The following GLG1 variants were observed in gnomAD, a reference collection of about 807,000 sequenced individuals.
GLG1 encodes the protein Golgi apparatus protein 1.
A neutral mutation model predicts 160.5 loss-of-function variants in GLG1; 38 were observed. The observed-to-expected ratio is 0.24, with a 90% confidence interval of 0.18 to 0.31. The LOEUF (loss-of-function observed/expected upper bound fraction) is 0.31, where lower values mean the gene tolerates loss of function less well. Among genes scored for constraint, GLG1 ranks in the 10% least tolerant of loss-of-function variants. The pLI is 1.00. For missense variants in GLG1, 1,373 were observed against 1,505.2 expected (o/e 0.91, Z 1.45); for synonymous variants, 644 against 543.4 (o/e 1.19, Z -2.57).
chr16:74,521,796 C>G (rs1260626247), intron 2 of GLG1, among the ~76,000 whole-genome samples: 2 of 152,170 alleles, frequency 1.3e-5, no homozygotes, highest in African/African-American at 4.8e-5. Context: ...GTTCATGGAG[C>G]CATCTGGAGG....
At chr16:74,565,670 T>A (rs2018635226) in intron 1 of GLG1, among the ~76,000 whole-genome samples, 1 of 152,210 alleles carries the variant, frequency 6.6e-6, no homozygotes, top group African/African-American at 2.4e-5. Context: ...ATAAATCCTC[T>A]CCAACCATAC....
At chr16:74,472,098 G>C (rs1209426581) in intron 14 of GLG1, among the ~76,000 whole-genome samples, 1 of 152,098 alleles carries the variant, frequency 6.6e-6, no homozygotes, top group Non-Finnish European at 1.5e-5. Context: ...TAGAGACAGA[G>C]TTTTGCCATG....
chr16:74,577,142 T>C (rs994650208), intron 1 of GLG1, among the ~76,000 whole-genome samples: 2 of 152,190 alleles, frequency 1.3e-5, no homozygotes, highest in East Asian at 1.9e-4. Context: ...CCTAGGCTGG[T>C]CTCAAACTCC....
chr16:74,595,873 C>T (rs557378110), intron 1 of GLG1, among the ~76,000 whole-genome samples: 2 of 152,294 alleles, frequency 1.3e-5, no homozygotes, highest in South Asian at 2.1e-4. Context: ...CTTGTAATCC[C>T]AGCACTTTGG....
rs1251581387 is a variant in GLG1 at position 74,491,159 on chromosome 16, T to A, written c.1291A>T (p.Met431Leu). Residue 431 changes from methionine to leucine, a missense_variant, in exon 8 of 26, where the codon ATG becomes TTG. Met to Leu is a conservative substitution (Grantham distance 15). This residue lies in a region of GLG1 where 386 missense variants were observed against 388.5 expected (regional missense o/e 0.99). Transcript: ENST00000422840. ...GEMLDYRRML[M>L]EDFSLSPEII... ...TCAGGGCTCAGAGAAAAGTCTTCCA[T>A]CAACATGCGTCGGTAATCCAGCATC... 37 of 1,614,070 alleles carry A rather than the reference T, an allele frequency of 2.3e-5. No individual in the cohort carries two copies. Among genetic ancestry groups the A allele is most frequent in the Non-Finnish European group, 3.1e-5 (37 of 1,180,028 alleles).
At chr16:74,599,212 G>A (rs1597386962) in intron 1 of GLG1, among the ~76,000 whole-genome samples, 1 of 151,972 alleles carries the variant, frequency 6.6e-6, no homozygotes, top group African/African-American at 2.4e-5. Flanking sequence ...CCCATTTCTG[G>A]ACTTTACTTG....
intron 10 of GLG1, 75 bp downstream of exon 10, chr16:74,482,948 A>G (rs2015655718): frequency 2.4e-6 from 2 of 822,402 alleles, no homozygotes; most frequent in Admixed American, 1.8e-5. Flanking sequence ...GATTATTTTA[A>G]TAAATACAGG....
intron 1 of GLG1, among the ~76,000 whole-genome samples, chr16:74,605,692 A>T (rs1305537953): frequency 1.3e-5 from 2 of 152,158 alleles, no homozygotes; most frequent in Non-Finnish European, 2.9e-5. Context: ...AATTTCTACA[A>T]GCAAGTGGTC....
intron 5 of GLG1, 45 bp from the exon 6 acceptor site, chr16:74,494,876 T>TTA: frequency 1.1e-6 from 1 of 924,630 alleles, no homozygotes; most frequent in Non-Finnish European, 1.8e-6. Context: ...AGCTAAATAG[T>TTA]TATGCTGAAC....
chr16:74,478,790 T>C (rs2015484732), intron 11 of GLG1, among the ~76,000 whole-genome samples: 1 of 150,336 alleles, frequency 6.7e-6, no homozygotes, highest in Non-Finnish European at 1.5e-5. Flanking sequence ...CGCATGCCTG[T>C]AATCCCAGCT....
intron 1 of GLG1, among the ~76,000 whole-genome samples, chr16:74,542,395 C>T (rs1457456742): frequency 5.3e-5 from 8 of 152,020 alleles, no homozygotes; most frequent in African/African-American, 7.2e-5. Context: ...AGGCCGGGCG[C>T]GGTGGCTCAC....
At position 74,450,393 on chromosome 16, in the gene GLG1, T is replaced by C. The variant is rs1328581439; in HGVS notation, c.*2774A>G. 1.3e-5 allele frequency: 2 copies of C among 152,342 alleles called. No individual in the cohort carries two copies. Among genetic ancestry groups the C allele is most frequent in the East Asian group, 3.9e-4 (2 of 5,186 alleles). 9.4% of individuals were successfully genotyped at this position (152,342 alleles called of 1,614,324 possible). ...TAATGAGTGCGGCCAGTTCAGACTT[T>C]GCTGGCCTTGGCACTTAGAAAAACT... is the stretch of plus-strand genomic sequence containing the variant. On this transcript the variant is annotated 3_prime_UTR_variant, in exon 26 of 26. Coordinates refer to ENST00000422840, the MANE Select transcript of GLG1 (RefSeq NM_001145667.2).
At chr16:74,477,625 T>A in intron 11 of GLG1, 92 bp from the exon 12 acceptor site, 1 of 880,448 alleles carries the variant, frequency 1.1e-6, no homozygotes, top group Non-Finnish European at 1.7e-6. Flanking sequence ...AACTAACAAA[T>A]AACCCTGTAT....
intron 2 of GLG1, among the ~76,000 whole-genome samples, chr16:74,511,919 T>C (rs2016820612): frequency 6.6e-6 from 1 of 152,118 alleles, no homozygotes; most frequent in Non-Finnish European, 1.5e-5. Flanking sequence ...CATTTTACTG[T>C]ATCTCATCTT....
chr16:74,475,389 T>A (rs1478971824), intron 12 of GLG1, among the ~76,000 whole-genome samples: 1 of 152,132 alleles, frequency 6.6e-6, no homozygotes, highest in African/African-American at 2.4e-5. Context: ...TTTAAGACTC[T>A]TTATTGGCAA....
At chr16:74,454,086 G>T (rs1394792173) in intron 25 of GLG1, among the ~76,000 whole-genome samples, 2 of 151,892 alleles carry the variant, frequency 1.3e-5, no homozygotes. Flanking sequence ...TGTTGGGCAG[G>T]CTGGTCTTGA....
intron 1 of GLG1, among the ~76,000 whole-genome samples, chr16:74,591,008 T>G (rs1425003501): frequency 2.0e-5 from 3 of 152,012 alleles, no homozygotes; most frequent in African/African-American, 7.2e-5. Context: ...TTCAACTATT[T>G]CAAAACTCTG....
intron 11 of GLG1, 106 bp downstream of exon 11, chr16:74,480,135 A>T: frequency 1.1e-6 from 1 of 895,876 alleles, no homozygotes; most frequent in Admixed American, 2.1e-5. Flanking sequence ...CCCACAAAAT[A>T]GTCTAAAAAG....
Position 74,448,729 on chromosome 16 carries a change from GC to G in GLG1, c.*4437del, listed in dbSNP as rs2014168365. The G allele has an allele frequency of 8.3e-6, 1 of 120,396 alleles. No individual in the cohort carries two copies. Among genetic ancestry groups the G allele is most frequent in the Non-Finnish European group, 1.6e-5 (1 of 61,216 alleles). 7.5% of individuals were successfully genotyped at this position (120,396 alleles called of 1,614,324 possible). On this transcript the variant is annotated 3_prime_UTR_variant, in exon 26 of 26. Coordinates refer to ENST00000422840, the MANE Select transcript of GLG1 (RefSeq NM_001145667.2). Reference sequence around the variant, plus strand: ...ATTGCGCCACTGCACTCCAGCCTGGGCAACGAGTGAAACTGTGTCTCAAAAG... The same window carrying G: ...ATTGCGCCACTGCACTCCAGCCTGGGAACGAGTGAAACTGTGTCTCAAAAG...
Sources: gnomAD v4.1 joint callset for allele counts (sites outside exome capture counted in the v4.1 genomes callset) on GRCh38, gnomAD v4.1.1 for gene constraint, gnomAD v4.1.1 regional missense constraint, MANE v1.5 for transcripts, NCBI Gene and HGNC (gene_info 2026-07-23, HGNC 2026-07-21) for gene names.